ANK3: variants seen among roughly 807,000 people sequenced by gnomAD.
The protein encoded by ANK3 is ankyrin 3.
A neutral mutation model predicts 370.9 loss-of-function variants in ANK3; 57 were observed. That is an observed-to-expected ratio of 0.15 (90% confidence interval 0.12 to 0.19). The LOEUF is 0.19. Among genes scored for constraint, ANK3 ranks in the 10% least tolerant of loss-of-function variants. The probability of loss-of-function intolerance (pLI) is 1.00; values close to 1 mark genes in which losing one functional copy is unlikely to be tolerated. For synonymous variants in ANK3, 1,929 were observed against 1,946.3 expected (o/e 0.99, Z 0.23); for missense variants, 4,439 against 5,302.1 (o/e 0.84, Z 5.06).
At chr10:60,346,762 C>A (rs546031905) in intron 1 of ANK3, among the ~76,000 whole-genome samples, 1 of 152,010 alleles carries the variant, frequency 6.6e-6, no homozygotes, top group South Asian at 2.1e-4. Flanking sequence ...ATGTCTTTTG[C>A]CCTAGGCCCA....
intron 2 of ANK3, among the ~76,000 whole-genome samples, chr10:60,479,042 T>C (rs1567076791): frequency 6.6e-6 from 1 of 152,122 alleles, no homozygotes; most frequent in Non-Finnish European, 1.5e-5. Context: ...ATTTTCTAAA[T>C]ACATGGAACT....
chr10:60,321,985 T>G (rs1032662580), intron 1 of ANK3, among the ~76,000 whole-genome samples: 2 of 152,210 alleles, frequency 1.3e-5, no homozygotes, highest in Admixed American at 1.3e-4. Flanking sequence ...CCCTAGTTTT[T>G]GGACCTCCCT....
intron 2 of ANK3, among the ~76,000 whole-genome samples, chr10:60,530,286 T>C (rs1207551603): frequency 6.6e-6 from 1 of 152,172 alleles, no homozygotes; most frequent in African/African-American, 2.4e-5. Context: ...TTTGAGCATC[T>C]GGAACCCTGT....
intron 1 of ANK3, among the ~76,000 whole-genome samples, chr10:60,616,989 G>A (rs577816731): frequency 5.3e-4 from 81 of 152,030 alleles, no homozygotes; most frequent in African/African-American, 1.9e-3. Context: ...TTATGCCTTT[G>A]ACTGTCTTTA....
intron 25 of ANK3, among the ~76,000 whole-genome samples, chr10:60,124,229 C>T (rs1348737261): frequency 1.3e-5 from 2 of 152,178 alleles, no homozygotes; most frequent in African/African-American, 4.8e-5. Context: ...GCTATCTGTG[C>T]TGGCTCACTG....
At chr10:60,408,137 A>AGAAACACTCTTAG (rs1208945772) in intron 2 of ANK3, among the ~76,000 whole-genome samples, 1 of 152,218 alleles carries the variant, frequency 6.6e-6, no homozygotes. Flanking sequence ...CCCTTTCCTA[A>AGAAACACTCTTAG]GAAACACTCT....
intron 25 of ANK3, among the ~76,000 whole-genome samples, chr10:60,131,758 C>A (rs2094083116): frequency 6.6e-6 from 1 of 152,052 alleles, no homozygotes; most frequent in African/African-American, 2.4e-5. Context: ...GGTAGAGTAA[C>A]TATGGTGGTA....
At chr10:60,524,042 TCA>T (rs1037936436) in intron 2 of ANK3, among the ~76,000 whole-genome samples, 1 of 152,084 alleles carries the variant, frequency 6.6e-6, no homozygotes, top group African/African-American at 2.4e-5. Flanking sequence ...GCTCTTATAC[TCA>T]CATTCTATTC....
At chr10:60,704,558 A>T (rs2079587704) in intron 1 of ANK3, among the ~76,000 whole-genome samples, 1 of 152,204 alleles carries the variant, frequency 6.6e-6, no homozygotes, top group African/African-American at 2.4e-5. Flanking sequence ...GCAATAGATA[A>T]TGGGGGTGAC....
intron 1 of ANK3, among the ~76,000 whole-genome samples, chr10:60,727,682 A>T (rs902605497): frequency 1.3e-5 from 2 of 152,132 alleles, no homozygotes; most frequent in Non-Finnish European, 2.9e-5. Flanking sequence ...ATAATCCATC[A>T]TCCTAACATC....
intron 2 of ANK3, among the ~76,000 whole-genome samples, chr10:60,425,762 C>T (rs1289248137): frequency 6.6e-6 from 1 of 152,120 alleles, no homozygotes; most frequent in Non-Finnish European, 1.5e-5. Flanking sequence ...GCAAAAGCTA[C>T]ATAAAGGACT....
intron 36 of ANK3, among the ~76,000 whole-genome samples, chr10:60,080,026 G>A (rs760070187): frequency 5.3e-5 from 8 of 151,878 alleles, no homozygotes; most frequent in Non-Finnish European, 1.0e-4. Flanking sequence ...AGGGAGGGAG[G>A]AAAGAAGAAC....
At chr10:60,694,289 T>C (rs961559356) in intron 1 of ANK3, among the ~76,000 whole-genome samples, 2 of 152,082 alleles carry the variant, frequency 1.3e-5, no homozygotes, top group African/African-American at 4.8e-5. Flanking sequence ...TACCTGAAAG[T>C]GACGGGGAGA....
chr10:60,482,866 C>T (rs1432258379), intron 2 of ANK3, among the ~76,000 whole-genome samples: 2 of 152,082 alleles, frequency 1.3e-5, no homozygotes, highest in Non-Finnish European at 2.9e-5. Context: ...CCAAAAGATT[C>T]TAATCCTTAA....
chr10:60,043,247 C>G, intron 42 of ANK3: 1 of 985,718 alleles, frequency 1.0e-6, no homozygotes, highest in Non-Finnish European at 1.2e-6. Context: ...AACAAATCCT[C>G]TCTTCACTGA....
intron 7 of ANK3, among the ~76,000 whole-genome samples, chr10:60,235,566 T>TGG (rs2097317628): frequency 6.7e-6 from 1 of 148,832 alleles, no homozygotes; most frequent in Non-Finnish European, 1.5e-5. Context: ...TTTTTTTTTT[T>TGG]TTTTTTTTTT....
Position 60,064,306 on chromosome 10 carries a change from A to T in ANK3, c.12320-18T>A. 4 of 1,554,858 alleles carry T rather than the reference A, an allele frequency of 2.6e-6. No homozygotes were observed. In the South Asian group the frequency reaches 5.0e-5, roughly 19 times the overall value. Reference sequence around the variant, plus strand: ...TGCCAGTTCTGTAGAAAAGAAAGAGAGTTACTAAGATTGCATATTCTACTT... The same window carrying T: ...TGCCAGTTCTGTAGAAAAGAAAGAGTGTTACTAAGATTGCATATTCTACTT... On this transcript the variant is annotated intron_variant, in intron 38 of 43. Coordinates refer to ENST00000280772, the MANE Select transcript of ANK3 (RefSeq NM_020987.5).
chr10:60,191,734 G>T (rs897336429), intron 16 of ANK3, among the ~76,000 whole-genome samples: 6 of 152,066 alleles, frequency 3.9e-5, no homozygotes, highest in Admixed American at 6.5e-5. Flanking sequence ...GTTAGATACC[G>T]CTGGTTAGGT....
intron 2 of ANK3, among the ~76,000 whole-genome samples, chr10:60,568,930 T>A (rs1038577508): frequency 1.3e-5 from 2 of 152,182 alleles, no homozygotes; most frequent in Admixed American, 6.5e-5. Flanking sequence ...AAGATGGTCA[T>A]CAGCAAGCTG....
Sources: allele counts gnomAD v4.1 joint callset (sites outside exome capture counted in the v4.1 genomes callset), GRCh38; gene constraint gnomAD v4.1.1; transcripts MANE v1.5; gene names NCBI Gene and HGNC (gene_info 2026-07-23, HGNC 2026-07-21).